CLIC5: variants seen among roughly 807,000 people sequenced by gnomAD.
CLIC5 encodes CLIC family member 5, also known as chloride intracellular channel protein 5.
A neutral mutation model predicts 24.7 loss-of-function variants in CLIC5; 20 were observed. The ratio of observed to expected loss-of-function variants is 0.81; its 90% CI spans 0.57 to 1.18. The LOEUF is 1.18. Ranked by LOEUF, CLIC5 falls within the 50% of genes most tolerant of loss-of-function variation. The pLI is 0.00. For synonymous variants in CLIC5, 159 were observed against 135.6 expected, an observed-to-expected ratio of 1.17 and a Z score of -1.20; for missense variants, 341 against 326.1, an observed-to-expected ratio of 1.05 and a Z score of -0.35.
chr6:46,024,571 C>G (rs2127452041), intron 1 of CLIC5, among the ~76,000 whole-genome samples: 1 of 152,240 alleles, frequency 6.6e-6, no homozygotes, highest in Non-Finnish European at 1.5e-5. Context: ...GAGAGGAAGC[C>G]CAAGTTCTGA....
intron 6 of CLIC5, among the ~76,000 whole-genome samples, chr6:45,887,918 A>G (rs1409226447): frequency 6.6e-6 from 1 of 152,262 alleles, no homozygotes. Flanking sequence ...AGGAAGAAAA[A>G]TCAATGAATG....
downstream of CLIC5, among the ~76,000 whole-genome samples, chr6:45,896,161 G>A (rs9472606): frequency 0.013 from 1,979 of 152,100 alleles, 44 homozygotes; most frequent in African/African-American, 0.044. Context: ...AATGTAAATC[G>A]ACTCCAAGTC....
intron 1 of CLIC5, among the ~76,000 whole-genome samples, chr6:45,982,686 T>C (rs1351517168): frequency 1.3e-5 from 2 of 152,190 alleles, no homozygotes; most frequent in Non-Finnish European, 2.9e-5. Context: ...GGGTCCGTCG[T>C]TGGCTGAAAC....
upstream of CLIC5, among the ~76,000 whole-genome samples, chr6:46,082,492 C>A (rs149936386): frequency 2.6e-5 from 4 of 152,330 alleles, no homozygotes; most frequent in African/African-American, 9.6e-5. Flanking sequence ...CATGGCCCTG[C>A]ATAATCCACA....
At chr6:46,073,784 G>A (rs1033606696) in intron 1 of CLIC5, among the ~76,000 whole-genome samples, 6 of 152,212 alleles carry the variant, frequency 3.9e-5, no homozygotes, top group African/African-American at 1.4e-4. Flanking sequence ...ACACATGTGA[G>A]TGTTGGCTGT....
At chr6:45,935,936 C>T (rs1271472587) in intron 4 of CLIC5, among the ~76,000 whole-genome samples, 7 of 152,220 alleles carry the variant, frequency 4.6e-5, no homozygotes, top group African/African-American at 1.7e-4. Context: ...TCTTTTAAAA[C>T]AACAACAACA....
In CLIC5 at chr6:46,079,403, T is replaced by C. The variant is rs9381422; in HGVS notation, c.540+300A>G. Among the ~76,000 whole-genome samples, 26,646 of 152,180 alleles carry C rather than the reference T, an allele frequency of 0.18. 2,591 individuals are homozygous for C. Among genetic ancestry groups the C allele is most frequent in the East Asian group, 0.34 (1,742 of 5,170 alleles). ...AAAATGTACTTAATGTCAGCCACAA[T>C]GGCAAGGATTTGGGCAGCAGTTATG... On this transcript the variant is annotated intron_variant, in intron 1 of 5. Coordinates refer to the CLIC5 transcript ENST00000185206.
chr6:45,988,891 C>T (rs1216236663), intron 1 of CLIC5, among the ~76,000 whole-genome samples: 1 of 152,154 alleles, frequency 6.6e-6, no homozygotes, highest in Non-Finnish European at 1.5e-5. Flanking sequence ...GCTGCAGCCA[C>T]TGGCAGAGGG....
chr6:46,053,628 C>T (rs2127466535), intron 1 of CLIC5, among the ~76,000 whole-genome samples: 1 of 152,270 alleles, frequency 6.6e-6, no homozygotes, highest in South Asian at 2.1e-4. Flanking sequence ...TCTGGGAACT[C>T]ATCACGTCCC....
In CLIC5 at chr6:46,045,879, G is replaced by C. The variant is rs144480946; in HGVS notation, c.540+33824C>G. Among the ~76,000 whole-genome samples, 529 of 151,908 alleles carry C rather than the reference G, an allele frequency of 3.5e-3. 1 individual carries two copies. Among genetic ancestry groups the C allele is most frequent in the Middle Eastern group, 6.8e-3 (2 of 292 alleles). ...TATGAAATAGTATTCATGCAATTTTGAACATGTTCCAGTCATTGGAAGCAC... is the reference window on the plus strand; with the variant it reads ...TATGAAATAGTATTCATGCAATTTTCAACATGTTCCAGTCATTGGAAGCAC... On this transcript the variant is annotated intron_variant, in intron 1 of 5. Transcript: ENST00000185206.
chr6:45,965,626 A>G (rs1362143460), intron 1 of CLIC5, among the ~76,000 whole-genome samples: 3 of 152,236 alleles, frequency 2.0e-5, no homozygotes, highest in Non-Finnish European at 4.4e-5. Flanking sequence ...ACCAAAGAGC[A>G]ATACAAATCT....
chr6:46,008,663 C>A (rs1008004144), intron 1 of CLIC5, among the ~76,000 whole-genome samples: 1 of 152,140 alleles, frequency 6.6e-6, no homozygotes, highest in African/African-American at 2.4e-5. Flanking sequence ...CTTTATCTTA[C>A]TATCTCCTTC....
upstream of CLIC5, among the ~76,000 whole-genome samples, chr6:46,018,306 TG>T (rs1236000935): frequency 2.0e-5 from 3 of 152,238 alleles, no homozygotes; most frequent in African/African-American, 7.2e-5. Flanking sequence ...AAACAATGTG[TG>T]GTATGACTTC....
At chr6:45,926,446 TG>T (rs2127342907) in intron 4 of CLIC5, among the ~76,000 whole-genome samples, 1 of 150,428 alleles carries the variant, frequency 6.6e-6, no homozygotes, top group East Asian at 2.0e-4. Context: ...TTAGTAGAGA[TG>T]GGGTTTCACC....
chr6:45,893,340 A>G (rs1220078756), intron 6 of CLIC5, among the ~76,000 whole-genome samples: 1 of 152,058 alleles, frequency 6.6e-6, no homozygotes, highest in East Asian at 1.9e-4. Context: ...CTGAAGACCA[A>G]CATTTTCCAA....
the CLIC5 span, among the ~76,000 whole-genome samples, chr6:46,091,109 T>C: frequency 6.6e-6 from 1 of 152,226 alleles, no homozygotes; most frequent in African/African-American, 2.4e-5. Context: ...CACATCTTCT[T>C]TGAGCGATTA....
At chr6:45,920,090 G>A (rs1408101591) in intron 4 of CLIC5, 1 of 835,506 alleles carries the variant, frequency 1.2e-6, no homozygotes, top group Non-Finnish European at 1.4e-6. Flanking sequence ...TGACAAAAGA[G>A]GATGGGGTTC....
chr6:46,056,485 C>T (rs1342743898), intron 1 of CLIC5, among the ~76,000 whole-genome samples: 1 of 152,148 alleles, frequency 6.6e-6, no homozygotes, highest in Non-Finnish European at 1.5e-5. Flanking sequence ...TGTGGTACAA[C>T]CTACACAATT....
the CLIC5 span, among the ~76,000 whole-genome samples, chr6:46,101,845 T>A: frequency 6.6e-6 from 1 of 152,172 alleles, no homozygotes; most frequent in Non-Finnish European, 1.5e-5. Flanking sequence ...CTTTTTGACT[T>A]TTTCTTTAAT....
Sources: gnomAD v4.1 joint callset for allele counts (sites outside exome capture counted in the v4.1 genomes callset) on GRCh38, gnomAD v4.1.1 for gene constraint, MANE v1.5 for transcripts, NCBI Gene and HGNC (gene_info 2026-07-23, HGNC 2026-07-21) for gene names.